The following SEMA3A variants were observed in gnomAD, a reference collection of about 807,000 sequenced individuals.
SEMA3A encodes the protein semaphorin-3A.
A neutral mutation model predicts 97.9 loss-of-function variants in SEMA3A; 29 were observed. That is an observed-to-expected ratio of 0.30 (90% CI 0.22 to 0.40). SEMA3A has a LOEUF of 0.40. Ranked by LOEUF, SEMA3A falls within the 10% of genes least tolerant of loss-of-function variation. The pLI, the probability that SEMA3A is intolerant of heterozygous loss-of-function variation, is 1.00. For missense variants in SEMA3A, 763 were observed against 951.3 expected (o/e 0.80, Z 2.60); for synonymous variants, 321 against 323.7 (o/e 0.99, Z 0.09).
intron 3 of SEMA3A, among the ~76,000 whole-genome samples, chr7:84,265,145 C>T (rs553609988): frequency 9.2e-5 from 14 of 152,220 alleles, no homozygotes; most frequent in Non-Finnish European, 2.1e-4. Flanking sequence ...GGAATGAGGA[C>T]TAATAAATGG....
intron 3 of SEMA3A, among the ~76,000 whole-genome samples, chr7:84,201,487 C>T (rs1798356141): frequency 6.6e-6 from 1 of 151,936 alleles, no homozygotes; most frequent in African/African-American, 2.4e-5. Flanking sequence ...ATCATTTGAT[C>T]CAGTTTATGC....
At chr7:84,031,440 A>C (rs1791751517) in intron 6 of SEMA3A, among the ~76,000 whole-genome samples, 1 of 152,208 alleles carries the variant, frequency 6.6e-6, no homozygotes, top group South Asian at 2.1e-4. Flanking sequence ...TCAAAGATAA[A>C]CTGATTGACA....
intron 3 of SEMA3A, among the ~76,000 whole-genome samples, chr7:84,266,583 T>G (rs1432819602): frequency 6.6e-6 from 1 of 151,956 alleles, no homozygotes; most frequent in Non-Finnish European, 1.5e-5. Flanking sequence ...TACTTAAAAC[T>G]GCAATGAAAT....
intron 7 of SEMA3A, among the ~76,000 whole-genome samples, chr7:84,011,527 G>T (rs1232005709): frequency 6.6e-6 from 1 of 151,986 alleles, no homozygotes; most frequent in African/African-American, 2.4e-5. Context: ...ATTGTGAGTA[G>T]TCCCTTTATT....
intron 1 of SEMA3A, among the ~76,000 whole-genome samples, chr7:84,406,423 A>C (rs1804090359): frequency 6.6e-6 from 1 of 152,170 alleles, no homozygotes; most frequent in Non-Finnish European, 1.5e-5. Context: ...TACCAACCAA[A>C]AAAAGTCCAG....
chr7:84,215,431 GC>G (rs10717762), intron 3 of SEMA3A, among the ~76,000 whole-genome samples: 105,982 of 151,374 alleles, frequency 0.7, 37,353 homozygotes, highest in East Asian at 0.79. Context: ...TAGATGATCC[GC>G]CCCCCCCTTG....
At chr7:84,290,777 T>C (rs1408105794) in intron 3 of SEMA3A, among the ~76,000 whole-genome samples, 1 of 152,160 alleles carries the variant, frequency 6.6e-6, no homozygotes, top group African/African-American at 2.4e-5. Flanking sequence ...GACCACTTCA[T>C]TCAGAGATGA....
intron 1 of SEMA3A, among the ~76,000 whole-genome samples, chr7:84,190,962 TACACACACAC>T (rs3077844): frequency 6.8e-6 from 1 of 147,162 alleles, no homozygotes; most frequent in Non-Finnish European, 1.5e-5. Flanking sequence ...TATTGGTATA[TACACACACAC>T]ACACACACAC....
chr7:84,413,453 C>T (rs920477547), intron 1 of SEMA3A, among the ~76,000 whole-genome samples: 2 of 152,050 alleles, frequency 1.3e-5, no homozygotes, highest in African/African-American at 4.8e-5. Context: ...CATGGCAAAA[C>T]CCTGTCTCTA....
intron 1 of SEMA3A, among the ~76,000 whole-genome samples, chr7:84,401,721 T>C (rs1474603009): frequency 6.6e-6 from 1 of 152,260 alleles, no homozygotes; most frequent in East Asian, 1.9e-4. Flanking sequence ...TAAAGCCAAA[T>C]GATTTTTCAG....
chr7:84,364,633 C>CA (rs1341001310), intron 2 of SEMA3A, among the ~76,000 whole-genome samples: 1 of 151,258 alleles, frequency 6.6e-6, no homozygotes, highest in Admixed American at 6.6e-5. Context: ...TTCCAAATAG[C>CA]AAAAAACAAT....
intron 4 of SEMA3A, among the ~76,000 whole-genome samples, chr7:84,063,648 C>A (rs1156861810): frequency 6.6e-6 from 1 of 151,350 alleles, no homozygotes; most frequent in East Asian, 2.0e-4. Context: ...ACGATGCGAT[C>A]AACTGGAAGA....
intron 1 of SEMA3A, among the ~76,000 whole-genome samples, chr7:84,447,080 C>A (rs574641349): frequency 7.2e-5 from 11 of 152,320 alleles, no homozygotes; most frequent in African/African-American, 2.6e-4. Context: ...GATTTCAAAG[C>A]AAAGTTGAAG....
At chr7:84,147,563 G>A (rs1294349171) in intron 1 of SEMA3A, among the ~76,000 whole-genome samples, 3 of 152,182 alleles carry the variant, frequency 2.0e-5, no homozygotes, top group Non-Finnish European at 4.4e-5. Flanking sequence ...GATCAATCAA[G>A]TAAGCAGATC....
At chr7:84,208,222 G>C (rs1419744651) in intron 3 of SEMA3A, among the ~76,000 whole-genome samples, 1 of 152,098 alleles carries the variant, frequency 6.6e-6, no homozygotes, top group Non-Finnish European at 1.5e-5. Flanking sequence ...GGAGGCCAAG[G>C]GGGGCAGATC....
chr7:84,337,976 T>C lies in SEMA3A; in HGVS notation c.-168-30684A>G, dbSNP rs572693490. Among the ~76,000 whole-genome samples the C allele has an allele frequency of 3.9e-5, 6 of 152,180 alleles. No individual in the cohort carries two copies. The South Asian group carries it at 6.2e-4, about 16-fold the overall frequency. On this transcript the variant is annotated intron_variant, in intron 2 of 3. Transcript: ENST00000424555. ...CACTGGTCAGGGACAGAAAGTCTTA[T>C]CAAAGGTCTGACAAAAGCTTTATGT...
At chr7:84,291,700 C>T (rs949574208) in intron 3 of SEMA3A, among the ~76,000 whole-genome samples, 3 of 151,998 alleles carry the variant, frequency 2.0e-5, no homozygotes, top group Non-Finnish European at 2.9e-5. Flanking sequence ...ATTTTCTCCC[C>T]GTAAGTTGTT....
intron 6 of SEMA3A, among the ~76,000 whole-genome samples, chr7:84,023,855 C>CAA: frequency 6.6e-6 from 1 of 151,740 alleles, no homozygotes; most frequent in Admixed American, 6.6e-5. Context: ...CTAAAAAATA[C>CAA]AAAAAAGTTA....
intron 1 of SEMA3A, among the ~76,000 whole-genome samples, chr7:84,431,035 T>G (rs1215448010): frequency 6.6e-6 from 1 of 151,984 alleles, no homozygotes; most frequent in African/African-American, 2.4e-5. Context: ...TTATGAAGCG[T>G]AAAGCTCTAA....
Sources: allele counts gnomAD v4.1 joint callset (sites outside exome capture counted in the v4.1 genomes callset), GRCh38; gene constraint gnomAD v4.1.1; transcripts MANE v1.5; gene names NCBI Gene and HGNC (gene_info 2026-07-23, HGNC 2026-07-21).